The following ZFYVE9 variants were observed in gnomAD, a reference collection of about 807,000 sequenced individuals.
ZFYVE9 encodes zinc finger FYVE-type containing 9.
In ZFYVE9, 43 loss-of-function variants were observed where a neutral mutation model predicts 126.7. The ratio of observed to expected loss-of-function variants is 0.34; its 90% CI spans 0.27 to 0.44. The LOEUF (loss-of-function observed/expected upper bound fraction) is 0.44. Among genes scored for constraint, ZFYVE9 ranks in the 20% least tolerant of loss-of-function variants. The probability of loss-of-function intolerance (pLI) is 1.00; values close to 1 mark genes in which losing one functional copy is unlikely to be tolerated. For missense variants in ZFYVE9, 1,476 were observed against 1,697.0 expected, an observed-to-expected ratio of 0.87 and a Z score of 2.29; for synonymous variants, 521 against 597.4, an observed-to-expected ratio of 0.87 and a Z score of 1.87.
chr1:52,258,216 T>G (rs1045439874), intron 4 of ZFYVE9, among the ~76,000 whole-genome samples: 2 of 152,124 alleles, frequency 1.3e-5, no homozygotes, highest in Non-Finnish European at 2.9e-5. Context: ...CAGTAGATTG[T>G]GTTGTGATAA....
intron 13 of ZFYVE9, among the ~76,000 whole-genome samples, chr1:52,316,165 C>CAAAAAAAAAAA (rs367815611): frequency 1.5e-4 from 6 of 39,212 alleles, no homozygotes; most frequent in Admixed American, 4.5e-4. Flanking sequence ...AACTCCATCT[C>CAAAAAAAAAAA]AAAAAAAAAA....
At chr1:52,158,188 T>A (rs1644420621) in intron 1 of ZFYVE9, among the ~76,000 whole-genome samples, 1 of 152,206 alleles carries the variant, frequency 6.6e-6, no homozygotes, top group African/African-American at 2.4e-5. Flanking sequence ...CCTTACTCAG[T>A]CTAATGTTCC....
intron 13 of ZFYVE9, among the ~76,000 whole-genome samples, chr1:52,305,472 G>A (rs753163240): frequency 2.0e-5 from 3 of 152,166 alleles, no homozygotes; most frequent in Non-Finnish European, 2.9e-5. Context: ...CTTTCGGAGC[G>A]TTTGCTGTCC....
chr1:52,142,506 C>G lies in ZFYVE9; in HGVS notation c.-143+103C>G, dbSNP rs1420196379. The stretch of plus-strand genomic sequence containing the variant: ...GGGCGGACGGGGCGTCCTGCCACTG[C>G]GGTCGCCTCCCCCACCCTGCGGTCC... On this transcript the variant is annotated intron_variant, in intron 1 of 18. Coordinates refer to ENST00000287727, the MANE Select transcript of ZFYVE9 (RefSeq NM_004799.4). The surrounding 1 kb of genome is among the most constrained non-coding windows in gnomAD (Gnocchi z 4.5). The G allele has an allele frequency of 6.6e-6, 1 of 152,114 alleles. No homozygotes were observed. Among genetic ancestry groups the G allele is most frequent in the Non-Finnish European group, 1.5e-5 (1 of 68,008 alleles). The allele number at this position is 152,114 out of a possible 1,614,324, so 9.4% of individuals were successfully genotyped here.
intron 4 of ZFYVE9, among the ~76,000 whole-genome samples, chr1:52,262,658 A>G (rs754447604): frequency 6.6e-6 from 1 of 152,200 alleles, no homozygotes; most frequent in Non-Finnish European, 1.5e-5. Context: ...TCTTGGTTCA[A>G]CTTTGTAAAG....
At chr1:52,271,344 A>G (rs754435864) in intron 7 of ZFYVE9, among the ~76,000 whole-genome samples, 1 of 152,188 alleles carries the variant, frequency 6.6e-6, no homozygotes, top group Non-Finnish European at 1.5e-5. Context: ...AGACTAGAAA[A>G]TATTAATATT....
intron 1 of ZFYVE9, among the ~76,000 whole-genome samples, chr1:52,151,668 A>G (rs1644357955): frequency 1.3e-5 from 2 of 151,138 alleles, no homozygotes; most frequent in Non-Finnish European, 3.0e-5. Flanking sequence ...GGCACCCACC[A>G]CTACACCTGG....
At chr1:52,218,087 G>T (rs184792434) in intron 2 of ZFYVE9, among the ~76,000 whole-genome samples, 1 of 152,108 alleles carries the variant, frequency 6.6e-6, no homozygotes, top group Admixed American at 6.5e-5. Flanking sequence ...GGTACCCTCC[G>T]CAGGACCCTG....
chr1:52,150,587 T>C (rs189690950), intron 1 of ZFYVE9, among the ~76,000 whole-genome samples: 16 of 152,142 alleles, frequency 1.1e-4, no homozygotes, highest in Admixed American at 6.5e-4. Flanking sequence ...GCCAACATTG[T>C]GAAACCCTGT....
At chr1:52,153,131 C>G (rs1422974710) in intron 1 of ZFYVE9, among the ~76,000 whole-genome samples, 1 of 152,228 alleles carries the variant, frequency 6.6e-6, no homozygotes, top group Non-Finnish European at 1.5e-5. Flanking sequence ...GAGATGAATT[C>G]TGAACATGCT....
intron 1 of ZFYVE9, among the ~76,000 whole-genome samples, chr1:52,151,748 C>T (rs1411211373): frequency 2.0e-5 from 3 of 151,966 alleles, no homozygotes; most frequent in Non-Finnish European, 2.9e-5. Flanking sequence ...AACTCCTGAC[C>T]TCAAGTGATC....
At chr1:52,153,010 G>A (rs926612436) in intron 1 of ZFYVE9, among the ~76,000 whole-genome samples, 4 of 152,310 alleles carry the variant, frequency 2.6e-5, no homozygotes, top group African/African-American at 9.6e-5. Context: ...AGCACATATT[G>A]CCTGTTAGAG....
chr1:52,184,790 T>TGAG (rs1644749297), intron 1 of ZFYVE9, among the ~76,000 whole-genome samples: 1 of 151,904 alleles, frequency 6.6e-6, no homozygotes, highest in South Asian at 2.1e-4. Flanking sequence ...CTTGGGAGGT[T>TGAG]GAGGAGGAGG....
At chr1:52,337,522 A>G (rs1177625138) in intron 15 of ZFYVE9, among the ~76,000 whole-genome samples, 1 of 152,232 alleles carries the variant, frequency 6.6e-6, no homozygotes, top group African/African-American at 2.4e-5. Flanking sequence ...ACTGTGTTTA[A>G]GTTTTCCCCT....
intron 2 of ZFYVE9, among the ~76,000 whole-genome samples, chr1:52,217,517 C>T (rs11205941): frequency 2.3e-4 from 35 of 152,210 alleles, no homozygotes; most frequent in African/African-American, 7.5e-4. Flanking sequence ...TATCTGAGTA[C>T]GGAGGGGGAG....
intron 13 of ZFYVE9, among the ~76,000 whole-genome samples, chr1:52,310,726 T>C (rs1646129696): frequency 6.6e-6 from 1 of 152,238 alleles, no homozygotes; most frequent in African/African-American, 2.4e-5. Flanking sequence ...AAAGTGATTG[T>C]ATGTGGTTCT....
chr1:52,296,195 A>G (rs1429865176), intron 12 of ZFYVE9, among the ~76,000 whole-genome samples: 2 of 150,576 alleles, frequency 1.3e-5, no homozygotes, highest in Admixed American at 6.6e-5. Flanking sequence ...ACACACACAC[A>G]TATATATATT....
At chr1:52,167,910 G>A (rs1016926104) in intron 1 of ZFYVE9, among the ~76,000 whole-genome samples, 2 of 152,120 alleles carry the variant, frequency 1.3e-5, no homozygotes, top group African/African-American at 4.8e-5. Context: ...CTTTGTTTCT[G>A]TAGCTTTTTG....
chr1:52,257,915 A>G (rs1645538741), intron 4 of ZFYVE9, among the ~76,000 whole-genome samples: 1 of 152,192 alleles, frequency 6.6e-6, no homozygotes, highest in South Asian at 2.1e-4. Context: ...TAGTAGAGAT[A>G]GGGTTTCACC....
Sources: allele counts gnomAD v4.1 joint callset (sites outside exome capture counted in the v4.1 genomes callset), GRCh38; gene constraint gnomAD v4.1.1; non-coding constraint Gnocchi (gnomAD v3.1); transcripts MANE v1.5; gene names NCBI Gene and HGNC (gene_info 2026-07-23, HGNC 2026-07-21).